MYO5B: variants seen among roughly 807,000 people sequenced by gnomAD.
MYO5B encodes myosin VB.
A neutral mutation model predicts 229.3 loss-of-function variants in MYO5B; 143 were observed. That is an observed-to-expected ratio of 0.62 (90% CI 0.54 to 0.72). The LOEUF (loss-of-function observed/expected upper bound fraction) is 0.72. MYO5B is among the 30% of genes least tolerant of loss of function. The probability of loss-of-function intolerance (pLI) is 0.00; values close to 1 mark genes in which losing one functional copy is unlikely to be tolerated. For synonymous variants in MYO5B, 918 were observed against 885.2 expected (o/e 1.04, Z -0.66); for missense variants, 2,321 against 2,331.0 (o/e 1.00, Z 0.09).
At chr18:50,194,642 C>T in intron 1 of MYO5B, 125 bp downstream of exon 1, 1 of 648,370 alleles carries the variant, frequency 1.5e-6, no homozygotes, top group Non-Finnish European at 2.6e-6. Flanking sequence ...GAGGAGGACA[C>T]CGCGGAGGGG....
chr18:50,132,257 G>A (rs2032265779), intron 1 of MYO5B, among the ~76,000 whole-genome samples: 1 of 152,200 alleles, frequency 6.6e-6, no homozygotes, highest in Admixed American at 6.5e-5. Flanking sequence ...GGCATGGTTG[G>A]AGGAGCAGAG....
chr18:49,933,971 G>C (rs1391344608), intron 16 of MYO5B, among the ~76,000 whole-genome samples: 1 of 152,116 alleles, frequency 6.6e-6, no homozygotes, highest in Non-Finnish European at 1.5e-5. Context: ...AAACTCCTGG[G>C]CTCAAGCAAT....
At chr18:50,020,381 G>A (rs1190471770) in intron 4 of MYO5B, among the ~76,000 whole-genome samples, 1 of 152,200 alleles carries the variant, frequency 6.6e-6, no homozygotes, top group Non-Finnish European at 1.5e-5. Context: ...CCTTCCTGCA[G>A]CAGCTCCTAG....
intron 31 of MYO5B, among the ~76,000 whole-genome samples, chr18:49,851,801 C>T (rs1384373699): frequency 6.6e-6 from 1 of 152,204 alleles, no homozygotes; most frequent in African/African-American, 2.4e-5. Context: ...TCCTCTCTGC[C>T]TGAGGTCAGT....
chr18:49,875,621 T>C, intron 26 of MYO5B, 66 bp downstream of exon 26: 1 of 1,608,188 alleles, frequency 6.2e-7, no homozygotes, highest in South Asian at 1.1e-5. Context: ...ACATGAGCCC[T>C]GGACACAAGA....
intron 17 of MYO5B, among the ~76,000 whole-genome samples, chr18:49,921,602 G>T (rs1007793468): frequency 6.6e-6 from 1 of 152,184 alleles, no homozygotes; most frequent in African/African-American, 2.4e-5. Context: ...AAATAGACCG[G>T]TATAGGGAAG....
Position 49,824,197 on chromosome 18 carries a change from C to G in MYO5B, c.*2274G>C, listed in dbSNP as rs1382354597. The G allele has an allele frequency of 6.6e-6, 1 of 152,282 alleles. No homozygotes were observed. The highest frequency in any genetic ancestry group is 1.5e-5 in the Non-Finnish European group (1 of 68,048). The allele number at this position is 152,282 out of a possible 1,614,324, so 9.4% of individuals were successfully genotyped here. On this transcript the variant is annotated 3_prime_UTR_variant, in exon 40 of 40. Transcript: ENST00000285039. ...GCTAACAAAAGATTATATAGTTCCC[C>G]TAAAGATGCTTCTTCTAGCCTCCAA...
chr18:50,055,277 C>T lies in MYO5B; in HGVS notation c.129G>A (p.Glu43=). 7.0e-7 allele frequency: 1 copy of T among 1,431,172 alleles called. No individual in the cohort carries two copies. The highest frequency in any genetic ancestry group is 9.4e-7 in the Non-Finnish European group (1 of 1,059,016). 88.7% of individuals were successfully genotyped at this position (1,431,172 alleles called of 1,614,324 possible). Residue 43 remains glutamate, a synonymous_variant, in exon 2 of 40, where the codon GAG becomes GAA. Coordinates refer to ENST00000285039, the MANE Select transcript of MYO5B (RefSeq NM_001080467.3). ...CCGGACTCACTCTTACCGTTTCATC[C>T]TCCAGTCTGAGCTGTAGGCTCTTGT... The part of the protein sequence containing the change: ...EGDKSLQLRL[E]DETILEYPID...
At chr18:49,876,457 G>A (rs2024525163) in intron 25 of MYO5B, among the ~76,000 whole-genome samples, 1 of 152,198 alleles carries the variant, frequency 6.6e-6, no homozygotes, top group Non-Finnish European at 1.5e-5. Flanking sequence ...TAATGTGTAT[G>A]AGCACATCCA....
chr18:50,141,284 T>TAC (rs2032413482), intron 1 of MYO5B, among the ~76,000 whole-genome samples: 1 of 152,244 alleles, frequency 6.6e-6, no homozygotes, highest in Admixed American at 6.5e-5. Context: ...ACTGAAAAGT[T>TAC]ACCATCCTTT....
At chr18:50,097,528 G>A (rs1008951141) in intron 1 of MYO5B, 3 of 298,584 alleles carry the variant, frequency 1.0e-5, no homozygotes, top group Non-Finnish European at 2.0e-5. Flanking sequence ...TTGTCCTAAG[G>A]TGACTTCACT....
At chr18:49,959,941 T>C (rs2025538996) in intron 12 of MYO5B, among the ~76,000 whole-genome samples, 1 of 152,086 alleles carries the variant, frequency 6.6e-6, no homozygotes, top group Non-Finnish European at 1.5e-5. Context: ...AGGAACAATT[T>C]TAGTCTGTGG....
intron 9 of MYO5B, among the ~76,000 whole-genome samples, chr18:49,978,694 TACACACACACACACACAC>T (rs10527520): frequency 6.3e-4 from 88 of 139,210 alleles, no homozygotes; most frequent in South Asian, 1.7e-3. Context: ...CAGCAAGTAA[TACACACACACACACACAC>T]ACACACACAC....
chr18:50,150,707 T>C (rs2032585120), intron 1 of MYO5B, among the ~76,000 whole-genome samples: 1 of 152,086 alleles, frequency 6.6e-6, no homozygotes, highest in Admixed American at 6.5e-5. Flanking sequence ...TGGGGAGGGA[T>C]AGCATTGGGA....
intron 1 of MYO5B, among the ~76,000 whole-genome samples, chr18:50,063,584 A>G (rs1401880690): frequency 1.3e-5 from 2 of 152,138 alleles, no homozygotes; most frequent in Non-Finnish European, 2.9e-5. Flanking sequence ...AGGAGAAAAA[A>G]GCAGAGAAGA....
intron 2 of MYO5B, among the ~76,000 whole-genome samples, chr18:50,047,331 A>G (rs1192852681): frequency 6.6e-6 from 1 of 152,272 alleles, no homozygotes; most frequent in Non-Finnish European, 1.5e-5. Context: ...CAAAAAACAC[A>G]TGAAAAGATG....
chr18:50,013,674 G>T (rs187528498), intron 4 of MYO5B, among the ~76,000 whole-genome samples: 2 of 152,198 alleles, frequency 1.3e-5, no homozygotes, highest in Non-Finnish European at 2.9e-5. Context: ...CAATAAAATA[G>T]TAGACTTAGG....
At chr18:49,967,962 C>G (rs774441794) in intron 10 of MYO5B, among the ~76,000 whole-genome samples, 2 of 152,174 alleles carry the variant, frequency 1.3e-5, no homozygotes, top group Non-Finnish European at 2.9e-5. Flanking sequence ...TTGCCAAATG[C>G]TCCAATTCCC....
At chr18:50,006,538 A>G (rs1419585085) in intron 4 of MYO5B, among the ~76,000 whole-genome samples, 1 of 152,194 alleles carries the variant, frequency 6.6e-6, no homozygotes, top group East Asian at 1.9e-4. Flanking sequence ...CTTCCAGGCA[A>G]AAGACCTGAC....
Sources: gnomAD v4.1 joint callset for allele counts (sites outside exome capture counted in the v4.1 genomes callset) on GRCh38, gnomAD v4.1.1 for gene constraint, MANE v1.5 for transcripts, NCBI Gene and HGNC (gene_info 2026-07-23, HGNC 2026-07-21) for gene names.